UIMC1: variants seen among roughly 807,000 people sequenced by gnomAD.
UIMC1 encodes the protein BRCA1-A complex subunit RAP80.
In UIMC1, 42 loss-of-function variants were observed where a neutral mutation model predicts 84.9. The ratio of observed to expected loss-of-function variants is 0.49; its 90% CI spans 0.39 to 0.64. UIMC1 has a LOEUF of 0.64. Ranked by LOEUF, UIMC1 falls within the 30% of genes least tolerant of loss-of-function variation. The pLI, the probability that UIMC1 is intolerant of heterozygous loss-of-function variation, is 0.00. For missense variants in UIMC1, 825 were observed against 847.6 expected (o/e 0.97, Z 0.33); for synonymous variants, 281 against 293.0 (o/e 0.96, Z 0.42).
chr5:176,911,331 C>A lies in UIMC1; in HGVS notation c.1656G>T (p.Gln552His), dbSNP rs751698316. The A allele has an allele frequency of 2.8e-5, 44 of 1,599,348 alleles. No homozygotes were observed. Among genetic ancestry groups the A allele is most frequent in the Non-Finnish European group, 3.5e-5 (41 of 1,171,958 alleles). The change falls in exon 11 of 15, where the codon CAG becomes CAT. Residue 552 changes from glutamine (Q) to histidine (H), a missense_variant. Coordinates refer to ENST00000511320, the MANE Select transcript of UIMC1 (RefSeq NM_001199298.2). Reference sequence around the variant, plus strand: ...CTTACTTGTCAATGTCTAGAGAAGTCTGGGCAGCTGTCCCACTGTCACTCT... The same window carrying A: ...CTTACTTGTCAATGTCTAGAGAAGTATGGGCAGCTGTCCCACTGTCACTCT... ...KTKSDSGTAA[Q>H]TSLDIDKNEK...
intron 10 of UIMC1, among the ~76,000 whole-genome samples, chr5:176,927,812 C>G (rs1762562467): frequency 6.6e-6 from 1 of 150,680 alleles, no homozygotes; most frequent in African/African-American, 2.4e-5. Context: ...AAACAGTTCT[C>G]TAGAACAGGG....
chr5:176,943,638 C>T, intron 9 of UIMC1, 150 bp from the exon 10 acceptor site: 1 of 960,290 alleles, frequency 1.0e-6, no homozygotes, highest in Non-Finnish European at 1.5e-6. Context: ...AGAGATACTA[C>T]TGATAGAGTC....
chr5:176,945,666 G>A (rs1765004836), intron 9 of UIMC1, among the ~76,000 whole-genome samples: 1 of 152,160 alleles, frequency 6.6e-6, no homozygotes, highest in Admixed American at 6.5e-5. Context: ...GCATGGGTGG[G>A]CGCCTGTCCA....
chr5:176,911,202 C>T, intron 11 of UIMC1, 109 bp downstream of exon 11: 1 of 772,156 alleles, frequency 1.3e-6, no homozygotes, highest in Non-Finnish European at 1.9e-6. Flanking sequence ...AGCAATGAAG[C>T]AATTGGCAGG....
intron 1 of UIMC1, among the ~76,000 whole-genome samples, chr5:177,004,851 C>T (rs1207340344): frequency 6.6e-6 from 1 of 152,092 alleles, no homozygotes; most frequent in East Asian, 1.9e-4. Context: ...GGCACAGGGA[C>T]CTTAAGAACA....
chr5:176,921,071 T>C (rs896487176), intron 10 of UIMC1, among the ~76,000 whole-genome samples: 2 of 152,242 alleles, frequency 1.3e-5, no homozygotes, highest in African/African-American at 4.8e-5. Flanking sequence ...TGATACAGTA[T>C]ATTAACTGAT....
At chr5:176,994,949 C>T (rs1365811760) in intron 1 of UIMC1, among the ~76,000 whole-genome samples, 1 of 96,264 alleles carries the variant, frequency 1.0e-5, no homozygotes. Context: ...TATCCTCACT[C>T]TGGGGCGGGG....
intron 2 of UIMC1, 152 bp from the exon 3 acceptor site, chr5:176,975,632 C>A (rs934256004): frequency 2.5e-5 from 17 of 692,796 alleles, no homozygotes; most frequent in Non-Finnish European, 3.6e-5. Context: ...CTTTTCAGTA[C>A]AAAAGGGAAA....
chr5:176,913,900 C>G (rs1164489141), intron 10 of UIMC1, among the ~76,000 whole-genome samples: 1 of 152,158 alleles, frequency 6.6e-6, no homozygotes, highest in Non-Finnish European at 1.5e-5. Flanking sequence ...TCGCCTGAGC[C>G]AGGAGGGTTG....
chr5:176,998,581 G>A (rs1269995208), intron 1 of UIMC1, among the ~76,000 whole-genome samples: 3 of 150,358 alleles, frequency 2.0e-5, no homozygotes, highest in African/African-American at 7.3e-5. Flanking sequence ...CAGCCTGACA[G>A]ACATGGAGAA....
intron 1 of UIMC1, among the ~76,000 whole-genome samples, chr5:177,020,919 A>C (rs1264213005): frequency 6.6e-6 from 1 of 152,230 alleles, no homozygotes; most frequent in Non-Finnish European, 1.5e-5. Context: ...TCATTAAACA[A>C]ATGTTTTGTA....
At chr5:176,993,795 G>A (rs566767368) in intron 1 of UIMC1, among the ~76,000 whole-genome samples, 1 of 152,028 alleles carries the variant, frequency 6.6e-6, no homozygotes, top group African/African-American at 2.4e-5. Context: ...ATCACCTGAG[G>A]TCAGGAGTTT....
chr5:177,013,402 A>AC (rs1561942057), intron 1 of UIMC1, among the ~76,000 whole-genome samples: 5 of 150,770 alleles, frequency 3.3e-5, no homozygotes, highest in East Asian at 2.0e-4. Flanking sequence ...ACACACACAC[A>AC]AAGATACTTT....
At chr5:177,013,962 A>G (rs889236533) in intron 1 of UIMC1, among the ~76,000 whole-genome samples, 1 of 152,184 alleles carries the variant, frequency 6.6e-6, no homozygotes, top group Non-Finnish European at 1.5e-5. Flanking sequence ...AGTGCAAACC[A>G]AAGTTTCACA....
At chr5:176,934,532 T>C (rs755284629) in intron 10 of UIMC1, among the ~76,000 whole-genome samples, 17 of 152,246 alleles carry the variant, frequency 1.1e-4, no homozygotes, top group Non-Finnish European at 2.4e-4. Flanking sequence ...TCCTCAATTA[T>C]GTCAATGAGC....
chr5:176,937,125 T>C (rs1763803762), intron 10 of UIMC1, among the ~76,000 whole-genome samples: 1 of 152,216 alleles, frequency 6.6e-6, no homozygotes, highest in Non-Finnish European at 1.5e-5. Flanking sequence ...TTCCAGAAAG[T>C]AAATGCAAAG....
At chr5:177,012,429 G>A (rs1775569715) in intron 1 of UIMC1, among the ~76,000 whole-genome samples, 1 of 152,152 alleles carries the variant, frequency 6.6e-6, no homozygotes, top group Admixed American at 6.6e-5. Flanking sequence ...CAGGCGCAGT[G>A]TCTCACACCT....
intron 10 of UIMC1, among the ~76,000 whole-genome samples, chr5:176,925,557 G>A (rs536513710): frequency 9.2e-5 from 14 of 151,808 alleles, no homozygotes; most frequent in South Asian, 2.1e-4. Context: ...AAAATACACC[G>A]AGAAGAACTG....
intron 7 of UIMC1, among the ~76,000 whole-genome samples, chr5:176,956,314 G>A (rs1238694291): frequency 6.6e-6 from 1 of 152,312 alleles, no homozygotes; most frequent in Middle Eastern, 3.4e-3. Flanking sequence ...GGTGAGAACT[G>A]TCTGTGAATA....
Sources: gnomAD v4.1 joint callset for allele counts (sites outside exome capture counted in the v4.1 genomes callset) on GRCh38, gnomAD v4.1.1 for gene constraint, MANE v1.5 for transcripts, NCBI Gene and HGNC (gene_info 2026-07-23, HGNC 2026-07-21) for gene names.